The following UNC13A variants were observed in gnomAD, a reference collection of about 807,000 sequenced individuals.
UNC13A encodes the protein protein unc-13 homolog A.
UNC13A carries 61 observed loss-of-function variants against 219.7 expected under a neutral mutation model. The ratio of observed to expected loss-of-function variants is 0.28; its 90% CI spans 0.23 to 0.34. The LOEUF is 0.34. Among genes scored for constraint, UNC13A ranks in the 10% least tolerant of loss-of-function variants. The pLI is 1.00. For missense variants in UNC13A, 1,476 were observed against 2,270.3 expected, an observed-to-expected ratio of 0.65 and a Z score of 7.11; for synonymous variants, 920 against 884.6, an observed-to-expected ratio of 1.04 and a Z score of -0.71.
intron 8 of UNC13A, among the ~76,000 whole-genome samples, chr19:17,660,997 A>G (rs1412910667): frequency 6.6e-6 from 1 of 151,728 alleles, no homozygotes; most frequent in African/African-American, 2.4e-5. Flanking sequence ...AAAGTCTAGT[A>G]GCACAATCAT....
intron 38 of UNC13A, 89 bp from the exon 39 acceptor site, chr19:17,619,051 G>C: frequency 1.6e-6 from 2 of 1,256,022 alleles, no homozygotes; most frequent in Non-Finnish European, 2.3e-6. Context: ...TTGCCCAAAG[G>C]CTCTGGGCAG....
intron 1 of UNC13A, among the ~76,000 whole-genome samples, chr19:17,685,634 T>C (rs1274185973): frequency 6.6e-6 from 1 of 152,160 alleles, no homozygotes; most frequent in African/African-American, 2.4e-5. Flanking sequence ...GCAGACTGTG[T>C]CCTATATACA....
At chr19:17,624,748 C>T in intron 35 of UNC13A, 81 bp downstream of exon 35, 1 of 1,515,174 alleles carries the variant, frequency 6.6e-7, no homozygotes, top group East Asian at 2.3e-5. Context: ...TTCTTACCCC[C>T]CAGCCTCTAG....
chr19:17,631,604 T>G (rs781177272), intron 28 of UNC13A, among the ~76,000 whole-genome samples: 20 of 152,012 alleles, frequency 1.3e-4, no homozygotes, highest in Non-Finnish European at 1.8e-4. Context: ...ACCACAATTC[T>G]CAGGAACCGG....
At chr19:17,652,908 C>T (rs1226182426) in intron 11 of UNC13A, among the ~76,000 whole-genome samples, 1 of 152,114 alleles carries the variant, frequency 6.6e-6, no homozygotes, top group African/African-American at 2.4e-5. Flanking sequence ...CTCAATGGAC[C>T]TCAGTCTCTT....
chr19:17,663,647 C>T (rs1343215150), intron 7 of UNC13A, 80 bp from the exon 8 acceptor site: 18 of 1,459,528 alleles, frequency 1.2e-5, no homozygotes, highest in Non-Finnish European at 1.7e-5. Flanking sequence ...CTGCTGTCCT[C>T]ACTCTCCCCA....
chr19:17,606,365 A>G lies in UNC13A; in HGVS notation c.4812-11T>C. On this transcript the variant is annotated splice_polypyrimidine_tract_variant and intron_variant, in intron 43 of 43. Transcript: ENST00000519716. ...TCGGCGCTCAGCGTGCTGCGTGGGG[A>G]GGGGCGGAACGTGAGACAGGCCACA... is the stretch of plus-strand genomic sequence containing the variant. The G allele has an allele frequency of 6.5e-7, 1 of 1,540,666 alleles. No individual in the cohort carries two copies. Among genetic ancestry groups the G allele is most frequent in the South Asian group, 1.2e-5 (1 of 83,958 alleles).
rs2076585892 is a variant in UNC13A, at chr19:17,610,092, A to G, written c.4659T>C (p.Ala1553=). 1 of 1,613,934 alleles carries G rather than the reference A, an allele frequency of 6.2e-7. No individual in the cohort carries two copies. Among genetic ancestry groups the G allele is most frequent in the Non-Finnish European group, 8.5e-7 (1 of 1,179,908 alleles). The change falls in exon 43 of 44, where the codon GCT becomes GCC. Residue 1553 remains alanine, a synonymous_variant. Transcript: ENST00000519716. ...GEHKVTVKVV[A]ANDLKWQTSG... ...AAGTCTGCCACTTGAGGTCATTGGC[A>G]GCCACCACTGTTGGAGGAAGTAGAG...
intron 36 of UNC13A, 139 bp from the exon 37 acceptor site, chr19:17,622,009 GTGTT>G (rs1342867996): frequency 3.7e-6 from 3 of 809,922 alleles, no homozygotes; most frequent in African/African-American, 1.7e-5. Flanking sequence ...TGGGGATAGT[GTGTT>G]TGTGTGTGTG....
intron 3 of UNC13A, among the ~76,000 whole-genome samples, chr19:17,673,746 C>T (rs911092847): frequency 2.0e-5 from 3 of 150,574 alleles, no homozygotes; most frequent in African/African-American, 4.9e-5. Context: ...CATGGTGGCT[C>T]ACATCTATAA....
chr19:17,678,615 C>T (rs896506419), intron 1 of UNC13A, among the ~76,000 whole-genome samples: 2 of 151,958 alleles, frequency 1.3e-5, no homozygotes, highest in African/African-American at 2.4e-5. Context: ...CATCCTCAGC[C>T]CCACCCAGCC....
At chr19:17,685,313 CCCG>C in intron 1 of UNC13A, among the ~76,000 whole-genome samples, 1 of 152,178 alleles carries the variant, frequency 6.6e-6, no homozygotes, top group Admixed American at 6.5e-5. Flanking sequence ...TCCTCAGCCT[CCCG>C]AGTAGCTGAG....
At chr19:17,645,639 C>G (rs374988818) in intron 19 of UNC13A, 35 bp downstream of exon 19, 1 of 1,611,672 alleles carries the variant, frequency 6.2e-7, no homozygotes, top group South Asian at 1.1e-5. Flanking sequence ...CCCTGGGACC[C>G]GTCCCCACCC....
chr19:17,654,013 G>C (rs1393039092), intron 11 of UNC13A, among the ~76,000 whole-genome samples: 1 of 151,444 alleles, frequency 6.6e-6, no homozygotes, highest in Admixed American at 6.6e-5. Context: ...ACTTTCACTA[G>C]AGACGGGGTT....
intron 28 of UNC13A, 120 bp downstream of exon 28, chr19:17,632,662 C>A: frequency 3.4e-6 from 5 of 1,461,374 alleles, no homozygotes; most frequent in Non-Finnish European, 4.7e-6. Flanking sequence ...TGGATTCAAG[C>A]CCCACCCATG....
chr19:17,628,743 G>C (rs1228625050), intron 31 of UNC13A, among the ~76,000 whole-genome samples: 1 of 151,888 alleles, frequency 6.6e-6, no homozygotes, highest in African/African-American at 2.4e-5. Context: ...GACACACACA[G>C]ATACACACAT....
Position 17,674,836 on chromosome 19 carries a change from G to C in UNC13A, c.53-80C>G. The C allele has an allele frequency of 8.0e-7, 1 of 1,249,390 alleles. No individual in the cohort carries two copies. Among genetic ancestry groups the C allele is most frequent in the Non-Finnish European group, 1.2e-6 (1 of 857,388 alleles). The allele number at this position is 1,249,390 out of a possible 1,614,324, so 77.4% of individuals were successfully genotyped here. ...CTTCCCAAGCTCTAGACCATCTGCTGTGATCCCCTCAGGAATTTCTGGGCC... is the reference window on the plus strand; with the variant it reads ...CTTCCCAAGCTCTAGACCATCTGCTCTGATCCCCTCAGGAATTTCTGGGCC... On this transcript the variant is annotated intron_variant, in intron 2 of 43. Transcript: ENST00000519716. This position sits in a 1 kb window ranked among gnomAD's most constrained non-coding sequence, Gnocchi z 5.0.
chr19:17,681,267 G>T (rs1005512580), intron 1 of UNC13A, among the ~76,000 whole-genome samples: 1 of 151,804 alleles, frequency 6.6e-6, no homozygotes, highest in African/African-American at 2.4e-5. Flanking sequence ...CGTGGGATGG[G>T]GTGGGGAGAC....
intron 20 of UNC13A, among the ~76,000 whole-genome samples, chr19:17,642,298 T>C (rs1461762533): frequency 6.6e-6 from 1 of 152,058 alleles, no homozygotes; most frequent in African/African-American, 2.4e-5. Context: ...CACCCATCCA[T>C]ACATCTATAC....
Sources: allele counts gnomAD v4.1 joint callset (sites outside exome capture counted in the v4.1 genomes callset), GRCh38; gene constraint gnomAD v4.1.1; non-coding constraint Gnocchi (gnomAD v3.1); transcripts MANE v1.5; gene names NCBI Gene and HGNC (gene_info 2026-07-23, HGNC 2026-07-21).